Variants in TXNDC16 observed in about 807,000 individuals in gnomAD.
The protein encoded by TXNDC16 is thioredoxin domain containing 16.
In TXNDC16, 74 loss-of-function variants were observed where a neutral mutation model predicts 85.6. The observed-to-expected ratio is 0.86, with a 90% CI of 0.72 to 1.05. The LOEUF is 1.05. Ranked by LOEUF, TXNDC16 falls within the 50% of genes least tolerant of loss-of-function variation. The pLI, the probability that TXNDC16 is intolerant of heterozygous loss-of-function variation, is 0.00. For missense variants in TXNDC16, 959 were observed against 947.0 expected, an observed-to-expected ratio of 1.01 and a Z score of -0.17; for synonymous variants, 335 against 326.5, an observed-to-expected ratio of 1.03 and a Z score of -0.28.
chr14:52,548,907 T>C (rs1385249642), intron 1 of TXNDC16, among the ~76,000 whole-genome samples: 3 of 152,128 alleles, frequency 2.0e-5, no homozygotes, highest in Non-Finnish European at 4.4e-5. Flanking sequence ...TAAACCATTA[T>C]TTTAAACTTC....
chr14:52,477,937 G>A (rs143536527), intron 14 of TXNDC16, among the ~76,000 whole-genome samples: 2,437 of 152,110 alleles, frequency 0.016, 31 homozygotes, highest in Non-Finnish European at 0.028. Flanking sequence ...GCCACAAAAT[G>A]AGCCTCAATA....
intron 16 of TXNDC16, among the ~76,000 whole-genome samples, chr14:52,463,213 G>T (rs1390132315): frequency 6.7e-6 from 1 of 149,374 alleles, no homozygotes; most frequent in Non-Finnish European, 1.5e-5. Context: ...AAAAAAATCT[G>T]CTCAAACAAA....
chr14:52,494,651 T>C (rs116279770), intron 9 of TXNDC16, among the ~76,000 whole-genome samples: 2,037 of 152,320 alleles, frequency 0.013, 43 homozygotes, highest in African/African-American at 0.046. Context: ...GGCCAGATCA[T>C]TGAAAGCCAT....
intron 14 of TXNDC16, among the ~76,000 whole-genome samples, chr14:52,471,583 T>C (rs1255174544): frequency 1.3e-5 from 2 of 152,176 alleles, no homozygotes; most frequent in South Asian, 2.1e-4. Flanking sequence ...TGTAATTATA[T>C]ACTATTCATT....
chr14:52,474,743 A>C (rs1003254656), intron 14 of TXNDC16, among the ~76,000 whole-genome samples: 1 of 152,162 alleles, frequency 6.6e-6, no homozygotes, highest in Non-Finnish European at 1.5e-5. Context: ...AAAAAAAAAA[A>C]AATTACAGAT....
intron 9 of TXNDC16, among the ~76,000 whole-genome samples, chr14:52,509,121 C>T (rs2036891427): frequency 1.3e-5 from 2 of 151,846 alleles, no homozygotes; most frequent in South Asian, 4.1e-4. Flanking sequence ...AGAGAATCTT[C>T]CTCCTTATTA....
intron 6 of TXNDC16, among the ~76,000 whole-genome samples, chr14:52,530,914 G>C (rs559314552): frequency 6.6e-6 from 1 of 151,680 alleles, no homozygotes; most frequent in Admixed American, 6.6e-5. Flanking sequence ...CAACAAACTG[G>C]CTTGTCTGGG....
intron 18 of TXNDC16, among the ~76,000 whole-genome samples, chr14:52,454,908 C>G (rs1052542760): frequency 1.3e-5 from 2 of 152,180 alleles, no homozygotes; most frequent in East Asian, 3.9e-4. Flanking sequence ...ATGTCTCATT[C>G]AGTCCTCACA....
chr14:52,488,245 T>C, intron 12 of TXNDC16, 118 bp downstream of exon 12: 1 of 1,277,340 alleles, frequency 7.8e-7, no homozygotes, highest in Non-Finnish European at 1.1e-6. Context: ...TCCGCCAGGT[T>C]TCTTTACAGA....
At chr14:52,446,568 T>C (rs1157660283) in intron 18 of TXNDC16, among the ~76,000 whole-genome samples, 1 of 152,114 alleles carries the variant, frequency 6.6e-6, no homozygotes, top group Non-Finnish European at 1.5e-5. Context: ...TAGGCACACA[T>C]GACCTACTGA....
In TXNDC16 at chr14:52,537,568, T is replaced by C; in HGVS notation, c.317+31A>G. 4 of 1,436,104 alleles carry C rather than the reference T, an allele frequency of 2.8e-6. No homozygotes were observed. In the African/African-American group the frequency reaches 5.6e-5, roughly 20 times the overall value. 89.0% of individuals were successfully genotyped at this position (1,436,104 alleles called of 1,614,324 possible). A position where few individuals can be genotyped will look rare whatever the true frequency, so the allele number is the denominator to read the frequency against. ...AATATTCTAGAAGTATAGCTTTGTA[T>C]TTGTCCAGCACACTCAGGAAAATAG... is the stretch of plus-strand genomic sequence containing the variant. On this transcript the variant is annotated intron_variant, in intron 5 of 20. Coordinates refer to ENST00000281741, the MANE Select transcript of TXNDC16 (RefSeq NM_020784.3).
intron 6 of TXNDC16, among the ~76,000 whole-genome samples, chr14:52,529,494 C>CTATA (rs549836381): frequency 1.0e-5 from 1 of 95,426 alleles, no homozygotes; most frequent in Non-Finnish European, 1.9e-5. Flanking sequence ...AAAATACCTA[C>CTATA]TATATATTAT....
At chr14:52,491,147 T>A (rs545012869) in intron 9 of TXNDC16, 142 bp from the exon 10 acceptor site, 1 of 990,100 alleles carries the variant, frequency 1.0e-6, no homozygotes, top group African/African-American at 1.7e-5. Flanking sequence ...ATCTCTTAAT[T>A]CCCTGAATTT....
chr14:52,482,676 G>T, intron 13 of TXNDC16, 146 bp downstream of exon 13: 1 of 589,436 alleles, frequency 1.7e-6, no homozygotes, highest in South Asian at 3.4e-5. Context: ...CCCAGAATCA[G>T]AAGTAAATGC....
intron 16 of TXNDC16, among the ~76,000 whole-genome samples, chr14:52,457,963 T>C (rs1469568952): frequency 2.6e-5 from 4 of 152,130 alleles, no homozygotes; most frequent in Non-Finnish European, 5.9e-5. Context: ...GAAGGCCAAA[T>C]GATAATTCAA....
At chr14:52,464,546 AAAAACATTC>A (rs2035727331) in intron 16 of TXNDC16, among the ~76,000 whole-genome samples, 1 of 152,222 alleles carries the variant, frequency 6.6e-6, no homozygotes, top group Admixed American at 6.5e-5. Flanking sequence ...CCGTTGGAGC[AAAAACATTC>A]AAAAGGGAAG....
chr14:52,466,600 C>G (rs887734496), intron 16 of TXNDC16, among the ~76,000 whole-genome samples: 1 of 151,946 alleles, frequency 6.6e-6, no homozygotes, highest in Non-Finnish European at 1.5e-5. Flanking sequence ...GGCGCGGTGG[C>G]TCATGCCTGT....
At chr14:52,492,436 T>A (rs1334367797) in intron 9 of TXNDC16, among the ~76,000 whole-genome samples, 1 of 152,206 alleles carries the variant, frequency 6.6e-6, no homozygotes, top group Non-Finnish European at 1.5e-5. Flanking sequence ...GACATAGACT[T>A]CTGCCACTGC....
At chr14:52,517,873 G>A (rs954893869) in intron 7 of TXNDC16, among the ~76,000 whole-genome samples, 1 of 151,950 alleles carries the variant, frequency 6.6e-6, no homozygotes. Flanking sequence ...CTCCGTGTTC[G>A]GCCTTCAATT....
Sources: gnomAD v4.1 joint callset for allele counts (sites outside exome capture counted in the v4.1 genomes callset) on GRCh38, gnomAD v4.1.1 for gene constraint, MANE v1.5 for transcripts, NCBI Gene and HGNC (gene_info 2026-07-23, HGNC 2026-07-21) for gene names.